MEMO1: variants seen among roughly 807,000 people sequenced by gnomAD.
The protein encoded by MEMO1 is protein MEMO1.
MEMO1 carries 6 observed loss-of-function variants against 45.2 expected under a neutral mutation model. The ratio of observed to expected loss-of-function variants is 0.13; its 90% CI spans 0.07 to 0.26. MEMO1 has a LOEUF of 0.26. MEMO1 is among the 10% of genes least tolerant of loss of function. The pLI is 1.00. For synonymous variants in MEMO1, 78 were observed against 124.3 expected, an observed-to-expected ratio of 0.63 and a Z score of 2.48; for missense variants, 184 against 370.5, an observed-to-expected ratio of 0.50 and a Z score of 4.13.
intron 6 of MEMO1, among the ~76,000 whole-genome samples, chr2:31,898,214 C>G (rs1030464515): frequency 6.6e-6 from 1 of 152,034 alleles, no homozygotes; most frequent in Non-Finnish European, 1.5e-5. Flanking sequence ...TCTCTATCTC[C>G]TTCAGTTCTA....
chr2:31,878,172 T>C (rs1000470610), intron 8 of MEMO1, among the ~76,000 whole-genome samples: 4 of 152,046 alleles, frequency 2.6e-5, no homozygotes, highest in Non-Finnish European at 5.9e-5. Context: ...GGCAGATACA[T>C]GACATTATCA....
At chr2:31,933,351 T>TTATATATATATA (rs370773425) in intron 3 of MEMO1, among the ~76,000 whole-genome samples, 117 of 45,046 alleles carry the variant, frequency 2.6e-3, no homozygotes, top group East Asian at 4.0e-3. Context: ...AAAAAAAAAT[T>TTATATATATATA]TATATATATA....
intron 6 of MEMO1, among the ~76,000 whole-genome samples, chr2:31,916,894 A>G (rs893892635): frequency 8.5e-5 from 13 of 152,198 alleles, no homozygotes; most frequent in Admixed American, 3.9e-4. Context: ...TGAACTAAAC[A>G]AGAAAAACTA....
In MEMO1 at chr2:31,868,285, A is replaced by G; in HGVS notation, c.*76T>C. 1 of 1,355,934 alleles carries G rather than the reference A, an allele frequency of 7.4e-7. No individual in the cohort carries two copies. The highest frequency in any genetic ancestry group is 9.6e-7 in the Non-Finnish European group (1 of 1,046,836). 84.0% of individuals were successfully genotyped at this position (1,355,934 alleles called of 1,614,324 possible). On this transcript the variant is annotated 3_prime_UTR_variant, in exon 10 of 10. Coordinates refer to ENST00000404530, the MANE Select transcript of MEMO1 (RefSeq NM_001301833.4). ...AGAATCCCCCCAAACCAGGACCAGT[A>G]TCGTGGTAAAGGCTAGGCTGGGACC... is the stretch of plus-strand genomic sequence containing the variant.
At chr2:31,988,816 T>G (rs971873374) in intron 2 of MEMO1, among the ~76,000 whole-genome samples, 1 of 152,142 alleles carries the variant, frequency 6.6e-6, no homozygotes, top group African/African-American at 2.4e-5. Flanking sequence ...CTTATGAGAG[T>G]TGCAAGCTGA....
rs753814451 is a variant in MEMO1, at chr2:32,002,180, T to TACAC, written c.61+8006_61+8007insGTGT. On this transcript the variant is annotated intron_variant, in intron 2 of 9. Coordinates refer to ENST00000404530, the MANE Select transcript of MEMO1 (RefSeq NM_001301833.4). ...AAAAAAAAAAAAAAATATATATATA[T>TACAC]ATATATACACACACACACACACATG... Among the ~76,000 whole-genome samples, 11 of 127,466 alleles carry TACAC rather than the reference T, an allele frequency of 8.6e-5. No homozygotes were observed. The South Asian group carries it at 2.0e-3, about 23-fold the overall frequency. The allele number at this position is 127,466 out of a possible 152,430, so 83.6% of individuals were successfully genotyped here. A position where few individuals can be genotyped will look rare whatever the true frequency, so the allele number is the denominator to read the frequency against.
In MEMO1 at chr2:31,920,976, GAGA is replaced by G. The variant is rs1682241986; in HGVS notation, c.213-69_213-67del. 3.7e-6 allele frequency: 4 copies of G among 1,075,296 alleles called. No homozygotes were observed. In the South Asian group the frequency reaches 4.2e-5, roughly 11 times the overall value. 66.6% of individuals were successfully genotyped at this position (1,075,296 alleles called of 1,614,324 possible). Reference sequence around the variant, plus strand: ...TCTACACAAACCTTATTAAATAAAAGAGAAAAAAGTAATTCTTACAAATCACTT... The same window carrying G: ...TCTACACAAACCTTATTAAATAAAAGAAAAAGTAATTCTTACAAATCACTT... On this transcript the variant is annotated intron_variant, in intron 4 of 9. Transcript: ENST00000404530.
At chr2:31,949,641 A>AC (rs1177670418) in intron 2 of MEMO1, among the ~76,000 whole-genome samples, 2 of 89,006 alleles carry the variant, frequency 2.2e-5, no homozygotes, top group Admixed American at 2.6e-4. Context: ...GTTAATGGGT[A>AC]CAAAAAAAAA....
chr2:31,982,745 G>A (rs1233202759), intron 2 of MEMO1, among the ~76,000 whole-genome samples: 2 of 151,876 alleles, frequency 1.3e-5, no homozygotes, highest in Non-Finnish European at 2.9e-5. Context: ...TCAAACAGAG[G>A]TATAGGTTAA....
chr2:31,974,617 C>T (rs1252403384), intron 2 of MEMO1, among the ~76,000 whole-genome samples: 1 of 152,046 alleles, frequency 6.6e-6, no homozygotes, highest in East Asian at 1.9e-4. Flanking sequence ...TGGTTGTATG[C>T]ACCTGTAGTC....
intron 8 of MEMO1, among the ~76,000 whole-genome samples, chr2:31,882,570 G>A (rs763380722): frequency 6.6e-6 from 1 of 151,902 alleles, no homozygotes. Context: ...TCAAACTGCT[G>A]GTCCAAGGAA....
chr2:31,922,689 T>G (rs1489783208), intron 4 of MEMO1, among the ~76,000 whole-genome samples: 2 of 152,032 alleles, frequency 1.3e-5, no homozygotes, highest in Non-Finnish European at 2.9e-5. Context: ...CGTCCATATG[T>G]ACTCAATACT....
chr2:31,886,044 C>A (rs902809380), intron 7 of MEMO1, among the ~76,000 whole-genome samples: 1 of 152,200 alleles, frequency 6.6e-6, no homozygotes, highest in African/African-American at 2.4e-5. Flanking sequence ...CTTTAAAATA[C>A]TGGATCGGCA....
intron 8 of MEMO1, among the ~76,000 whole-genome samples, chr2:31,883,145 T>C (rs920973527): frequency 1.4e-4 from 21 of 152,136 alleles, no homozygotes; most frequent in Non-Finnish European, 1.8e-4. Context: ...TAGAAAGTAT[T>C]TTAAATCCGT....
At chr2:31,911,083 G>A (rs545731288) in intron 6 of MEMO1, among the ~76,000 whole-genome samples, 26 of 152,042 alleles carry the variant, frequency 1.7e-4, no homozygotes, top group Admixed American at 1.4e-3. Flanking sequence ...GAAAAGGATA[G>A]TAAGTAAGGT....
chr2:31,983,147 G>C (rs534516639), intron 2 of MEMO1, among the ~76,000 whole-genome samples: 1 of 152,092 alleles, frequency 6.6e-6, no homozygotes, highest in East Asian at 1.9e-4. Flanking sequence ...TGTAGTCCCA[G>C]CTACTCGAGA....
intron 3 of MEMO1, among the ~76,000 whole-genome samples, chr2:31,934,450 C>T (rs187727373): frequency 1.8e-4 from 26 of 148,420 alleles, no homozygotes; most frequent in Admixed American, 3.4e-4. Flanking sequence ...GGTGACTGAG[C>T]GAGACTTTAT....
chr2:32,006,536 G>A (rs1572964704), intron 2 of MEMO1, among the ~76,000 whole-genome samples: 1 of 124,476 alleles, frequency 8.0e-6, no homozygotes, highest in Non-Finnish European at 1.7e-5. Flanking sequence ...GTTTTTGTTT[G>A]TTTTTTAAAC....
chr2:31,892,938 T>A (rs1677187328), intron 6 of MEMO1, among the ~76,000 whole-genome samples: 1 of 152,136 alleles, frequency 6.6e-6, no homozygotes, highest in Non-Finnish European at 1.5e-5. Context: ...TTAAAAATGT[T>A]ATTGTGAAAT....
Sources: allele counts gnomAD v4.1 joint callset (sites outside exome capture counted in the v4.1 genomes callset), GRCh38; gene constraint gnomAD v4.1.1; transcripts MANE v1.5; gene names NCBI Gene and HGNC (gene_info 2026-07-23, HGNC 2026-07-21).